CDH11: variants seen among roughly 807,000 people sequenced by gnomAD.
CDH11 encodes the protein cadherin-11.
CDH11 carries 11 observed loss-of-function variants against 67.8 expected under a neutral mutation model. That is an observed-to-expected ratio of 0.16 (90% CI 0.10 to 0.27). The LOEUF is 0.27. CDH11 is among the 10% of genes least tolerant of loss of function. CDH11 has a pLI of 1.00. For missense variants in CDH11, 847 were observed against 1,031.2 expected (o/e 0.82, Z 2.45); for synonymous variants, 419 against 400.0 (o/e 1.05, Z -0.57).
chr16:65,057,415 T>C (rs374698987), intron 1 of CDH11, among the ~76,000 whole-genome samples: 3 of 152,192 alleles, frequency 2.0e-5, no homozygotes, highest in East Asian at 3.9e-4. Flanking sequence ...CCCACAGCAC[T>C]AAGCCTCTTA....
intron 2 of CDH11, among the ~76,000 whole-genome samples, chr16:65,016,490 G>C (rs1479154031): frequency 6.6e-6 from 1 of 152,112 alleles, no homozygotes; most frequent in Non-Finnish European, 1.5e-5. Flanking sequence ...AGATAATATA[G>C]CTCACTTAAT....
chr16:65,051,074 CAA>C (rs1567549475), intron 2 of CDH11, among the ~76,000 whole-genome samples: 1 of 152,126 alleles, frequency 6.6e-6, no homozygotes, highest in Non-Finnish European at 1.5e-5. Context: ...CAAATGAGTG[CAA>C]AATAAGCAAA....
chr16:65,095,277 T>A (rs1373108262), intron 1 of CDH11, among the ~76,000 whole-genome samples: 1 of 152,150 alleles, frequency 6.6e-6, no homozygotes, highest in Non-Finnish European at 1.5e-5. Flanking sequence ...TAGAGCTGGA[T>A]AGGTGGGTAT....
Position 64,972,906 on chromosome 16 carries a change from A to G in CDH11, c.1388T>C (p.Ile463Thr), listed in dbSNP as rs771302944. The change falls in exon 9 of 13, where the codon ATC (isoleucine) becomes ACC (threonine). Residue 463 changes from isoleucine (I) to threonine (T), a missense_variant and splice_region_variant. By Grantham distance (89) the Ile-to-Thr change is moderately conservative. This residue lies in a region of CDH11 where 612 missense variants were observed against 678.7 expected (regional missense o/e 0.90). Transcript: ENST00000268603. ...WLNITVFAAE[I>T]HNRHQEAKVP... is the part of the protein sequence containing the mutation. The stretch of plus-strand genomic sequence containing the variant: ...AAAACCATGAGGAGAATACTTACGG[A>G]TTTCTGCTGCAAAGACAGTGATGTT... 4 of 1,613,872 alleles carry G rather than the reference A, an allele frequency of 2.5e-6. No individual in the cohort carries two copies. The highest frequency in any genetic ancestry group is 4.5e-5 in the East Asian group (2 of 44,856).
Position 64,961,918 on chromosome 16 carries a change from C to G in CDH11, c.1642+9661G>C, listed in dbSNP as rs114960337. On this transcript the variant is annotated intron_variant, in intron 11 of 12. Transcript: ENST00000268603. ...TCTCACACACACACCCCCCAAAACA[C>G]AAATCTTAATTTTAATCTAATACCC... Among the ~76,000 whole-genome samples the G allele has an allele frequency of 2.6e-3, 401 of 152,204 alleles. 2 individuals are homozygous for G. Among genetic ancestry groups the G allele is most frequent in the Middle Eastern group, 0.017 (5 of 294 alleles).
At chr16:65,118,293 C>T (rs560432772) in intron 1 of CDH11, among the ~76,000 whole-genome samples, 67 of 152,268 alleles carry the variant, frequency 4.4e-4, no homozygotes, top group Non-Finnish European at 3.4e-4. Context: ...TTTCTTTAGT[C>T]CTTCCTGCTC....
At chr16:64,968,995 T>C (rs1009707148) in intron 11 of CDH11, among the ~76,000 whole-genome samples, 8 of 152,168 alleles carry the variant, frequency 5.3e-5, no homozygotes, top group Non-Finnish European at 1.0e-4. Context: ...CTGTTTGCCA[T>C]AGTTAATAAA....
intron 7 of CDH11, chr16:64,985,297 A>G (rs979218653): frequency 1.1e-4 from 16 of 152,126 alleles, no homozygotes; most frequent in African/African-American, 3.6e-4. Context: ...CTATCTAGTA[A>G]TTATTTCTTG....
intron 1 of CDH11, among the ~76,000 whole-genome samples, chr16:65,060,022 C>T (rs78095436): frequency 5.7e-3 from 875 of 152,244 alleles, no homozygotes; most frequent in African/African-American, 0.02. Context: ...TCCAGTTTTA[C>T]GTGCCATCTA....
chr16:64,992,875 T>A, intron 5 of CDH11, 40 bp downstream of exon 5: 1 of 1,603,886 alleles, frequency 6.2e-7, no homozygotes, highest in Non-Finnish European at 8.5e-7. Flanking sequence ...GGACTTCTTA[T>A]TCACCATGTG....
At chr16:65,090,717 T>C (rs770607538) in intron 1 of CDH11, among the ~76,000 whole-genome samples, 10 of 152,218 alleles carry the variant, frequency 6.6e-5, no homozygotes, top group Non-Finnish European at 1.0e-4. Flanking sequence ...AAAATGTAGA[T>C]AGTAGAAATG....
intron 2 of CDH11, among the ~76,000 whole-genome samples, chr16:65,009,325 T>A (rs1164914927): frequency 6.6e-6 from 1 of 152,130 alleles, no homozygotes; most frequent in East Asian, 1.9e-4. Flanking sequence ...CATCAGTCCA[T>A]CAATAACCAT....
chr16:64,966,929 G>T (rs1437973540), intron 11 of CDH11, among the ~76,000 whole-genome samples: 3 of 151,896 alleles, frequency 2.0e-5, no homozygotes, highest in Non-Finnish European at 2.9e-5. Flanking sequence ...TTTAAGAGGT[G>T]GGCAAAGGAC....
upstream of CDH11, among the ~76,000 whole-genome samples, chr16:65,123,331 A>T (rs1052705598): frequency 7.2e-5 from 11 of 152,034 alleles, no homozygotes; most frequent in South Asian, 2.1e-4. Flanking sequence ...GACGGGGATG[A>T]GGCTGGGAAA....
rs11865763 is a variant in CDH11, at chr16:65,080,198, C to T, written c.-297-26270G>A. ...TCTAACAGCTGCATAATTGCTTGTC[C>T]GATGTACAGTAAACTATACAACCAT... On this transcript the variant is annotated intron_variant, in intron 1 of 12. Coordinates refer to ENST00000268603, the MANE Select transcript of CDH11 (RefSeq NM_001797.4). 4.1e-3 allele frequency among the ~76,000 whole-genome samples: 625 copies of T among 151,496 alleles called. 6 individuals carry two copies. The highest frequency in any genetic ancestry group is 0.014 in the African/African-American group (591 of 41,260).
At chr16:65,084,494 G>C (rs1252740010) in intron 1 of CDH11, among the ~76,000 whole-genome samples, 1 of 140,434 alleles carries the variant, frequency 7.1e-6, no homozygotes, top group Admixed American at 7.1e-5. Flanking sequence ...CCTATCTAAA[G>C]ATTAAAAAAA....
chr16:64,965,157 C>CA (rs936102704), intron 11 of CDH11, among the ~76,000 whole-genome samples: 14 of 130,266 alleles, frequency 1.1e-4, no homozygotes, highest in African/African-American at 4.1e-4. Context: ...TCAGGAGTTC[C>CA]AGACCAGCCT....
chr16:65,096,403 C>CGGG (rs199984245), intron 1 of CDH11, among the ~76,000 whole-genome samples: 7 of 133,918 alleles, frequency 5.2e-5, no homozygotes, highest in East Asian at 4.5e-4. Flanking sequence ...ATAAATCTTT[C>CGGG]GGGGTGTGTG....
intron 6 of CDH11, 114 bp from the exon 7 acceptor site, chr16:64,988,458 T>C: frequency 1.1e-6 from 1 of 948,388 alleles, no homozygotes. Flanking sequence ...AACTTTCTAT[T>C]GACTGAAAAC....
Sources: gnomAD v4.1 joint callset for allele counts (sites outside exome capture counted in the v4.1 genomes callset) on GRCh38, gnomAD v4.1.1 for gene constraint, gnomAD v4.1.1 regional missense constraint, MANE v1.5 for transcripts, NCBI Gene and HGNC (gene_info 2026-07-23, HGNC 2026-07-21) for gene names.